CRPPA: variants seen among roughly 807,000 people sequenced by gnomAD.
The protein encoded by CRPPA is D-ribitol-5-phosphate cytidylyltransferase.
In CRPPA, 43 loss-of-function variants were observed where a neutral mutation model predicts 52.0. The observed-to-expected ratio is 0.83, with a 90% CI of 0.65 to 1.07. The LOEUF (loss-of-function observed/expected upper bound fraction) is 1.07, where lower values mean the gene tolerates loss of function less well. Among genes scored for constraint, CRPPA ranks in the 50% least tolerant of loss-of-function variants. The pLI is 0.00. For missense variants in CRPPA, 629 were observed against 551.7 expected, an observed-to-expected ratio of 1.14 and a Z score of -1.40; for synonymous variants, 250 against 203.5, an observed-to-expected ratio of 1.23 and a Z score of -1.94.
chr7:16,313,714 C>G (rs539059194), intron 3 of CRPPA, among the ~76,000 whole-genome samples: 1 of 151,778 alleles, frequency 6.6e-6, no homozygotes, highest in East Asian at 1.9e-4. Context: ...AATTTTGATG[C>G]GTTCCATTTT....
At chr7:16,258,511 G>T (rs372805874) in intron 7 of CRPPA, 29 bp from the exon 8 acceptor site, 6 of 1,366,302 alleles carry the variant, frequency 4.4e-6, no homozygotes, top group Non-Finnish European at 5.1e-6. Flanking sequence ...AAAAGGATAT[G>T]AGAAGACGTT....
chr7:16,095,171 A>G (rs7797951), intron 9 of CRPPA, among the ~76,000 whole-genome samples: 5,561 of 152,266 alleles, frequency 0.037, 331 homozygotes, highest in African/African-American at 0.12. Context: ...GACTATTTAC[A>G]AATGTTATGT....
intron 2 of CRPPA, among the ~76,000 whole-genome samples, chr7:16,391,788 C>T (rs976951683): frequency 1.3e-5 from 2 of 152,146 alleles, no homozygotes; most frequent in Non-Finnish European, 2.9e-5. Context: ...GTGCCTAACA[C>T]ATAGCATGCA....
At chr7:16,378,920 T>G (rs1471655084) in intron 2 of CRPPA, among the ~76,000 whole-genome samples, 1 of 152,208 alleles carries the variant, frequency 6.6e-6, no homozygotes, top group Non-Finnish European at 1.5e-5. Flanking sequence ...TTTTGAGAAG[T>G]GTCTGTTCAT....
chr7:16,239,665 G>A (rs17169363), intron 8 of CRPPA, among the ~76,000 whole-genome samples: 3 of 149,946 alleles, frequency 2.0e-5, no homozygotes, highest in Non-Finnish European at 3.0e-5. Context: ...CTAGGGCTAC[G>A]ATCAATGTGA....
chr7:16,371,690 G>A (rs944580310), intron 3 of CRPPA, among the ~76,000 whole-genome samples: 2 of 151,570 alleles, frequency 1.3e-5, no homozygotes, highest in Non-Finnish European at 2.9e-5. Flanking sequence ...TAGATCCCAA[G>A]CAATGGATAC....
chr7:16,144,659 G>GAGAGCAAT (rs1782938096), intron 9 of CRPPA, among the ~76,000 whole-genome samples: 1 of 152,122 alleles, frequency 6.6e-6, no homozygotes, highest in Non-Finnish European at 1.5e-5. Flanking sequence ...TCTACTGGGT[G>GAGAGCAAT]GGGGGAGTCA....
chr7:16,151,121 A>T (rs1783069058), intron 9 of CRPPA, among the ~76,000 whole-genome samples: 4 of 152,196 alleles, frequency 2.6e-5, no homozygotes, highest in Admixed American at 2.6e-4. Flanking sequence ...CACCAGTAGG[A>T]TTCACTGGTA....
intron 9 of CRPPA, among the ~76,000 whole-genome samples, chr7:16,171,114 G>A (rs892384496): frequency 6.6e-5 from 10 of 152,216 alleles, no homozygotes; most frequent in Admixed American, 4.6e-4. Flanking sequence ...CTGCCAGCAC[G>A]TTGTTATCTC....
At chr7:16,372,025 A>T (rs540151751) in intron 3 of CRPPA, among the ~76,000 whole-genome samples, 52 of 152,196 alleles carry the variant, frequency 3.4e-4, no homozygotes, top group South Asian at 8.3e-4. Context: ...AAAAAATTTT[A>T]AAAAAAGAAC....
chr7:16,371,170 C>T (rs1266983470), intron 3 of CRPPA, among the ~76,000 whole-genome samples: 1 of 152,164 alleles, frequency 6.6e-6, no homozygotes, highest in Non-Finnish European at 1.5e-5. Context: ...GACCTCTGCC[C>T]ACCATTGAGT....
intron 8 of CRPPA, among the ~76,000 whole-genome samples, chr7:16,232,833 C>A (rs932818907): frequency 6.6e-6 from 1 of 151,992 alleles, no homozygotes; most frequent in Non-Finnish European, 1.5e-5. Context: ...AATACCAAAC[C>A]TTTTAAAAAG....
chr7:16,103,015 T>C (rs541223335), intron 9 of CRPPA, among the ~76,000 whole-genome samples: 2 of 152,186 alleles, frequency 1.3e-5, no homozygotes, highest in Admixed American at 6.5e-5. Context: ...CATATATTTA[T>C]TGTAGCACTG....
intron 9 of CRPPA, among the ~76,000 whole-genome samples, chr7:16,164,455 C>A (rs766494261): frequency 1.8e-4 from 27 of 152,254 alleles, no homozygotes; most frequent in Non-Finnish European, 3.4e-4. Flanking sequence ...GAGTTAGAAC[C>A]TGCTCCTTTA....
chr7:16,219,724 T>C lies in CRPPA; in HGVS notation c.1120-3527A>G, dbSNP rs1420974484. Among the ~76,000 whole-genome samples, 91 of 117,526 alleles carry C rather than the reference T, an allele frequency of 7.7e-4. 7 individuals are homozygous for C. Among genetic ancestry groups the C allele is most frequent in the Non-Finnish European group, 8.5e-4 (45 of 53,004 alleles). The allele number at this position is 117,526 out of a possible 152,430, so 77.1% of individuals were successfully genotyped here. A position where few individuals can be genotyped will look rare whatever the true frequency, so the allele number is the denominator to read the frequency against. ...TGGATAAATTCCTCGACACATACAC[T>C]CTCCCAAGACTAAACCAGGAAGAAG... On this transcript the variant is annotated intron_variant, in intron 8 of 9. Transcript: ENST00000407010.
chr7:16,091,099 G>C lies in CRPPA; in HGVS notation c.*596C>G, dbSNP rs1781827898. The C allele has an allele frequency of 6.6e-6, 1 of 152,152 alleles. No homozygotes were observed. The highest frequency in any genetic ancestry group is 1.5e-5 in the Non-Finnish European group (1 of 68,030). 9.4% of individuals were successfully genotyped at this position (152,152 alleles called of 1,614,324 possible). A position where few individuals can be genotyped will look rare whatever the true frequency, so the allele number is the denominator to read the frequency against. ...TAACATACAATTTAAAAACAGAAAA[G>C]AAGGAAATGACATCTGTTTTAGGGA... On this transcript the variant is annotated 3_prime_UTR_variant, in exon 10 of 10. Transcript: ENST00000407010.
intron 9 of CRPPA, among the ~76,000 whole-genome samples, chr7:16,155,875 G>C (rs1333939624): frequency 6.6e-6 from 1 of 152,064 alleles, no homozygotes; most frequent in Non-Finnish European, 1.5e-5. Context: ...CACAATAATA[G>C]AGGGATACTT....
intron 4 of CRPPA, among the ~76,000 whole-genome samples, chr7:16,304,549 G>C (rs1314979231): frequency 6.6e-6 from 1 of 152,124 alleles, no homozygotes; most frequent in Non-Finnish European, 1.5e-5. Context: ...GCTAAGGCAG[G>C]AGAATCACTT....
chr7:16,168,534 AACAC>A (rs61189058), intron 9 of CRPPA, among the ~76,000 whole-genome samples: 10,338 of 143,098 alleles, frequency 0.072, 578 homozygotes, highest in African/African-American at 0.16. Flanking sequence ...AGTGAAGTAA[AACAC>A]ACACACACAC....
Sources: gnomAD v4.1 joint callset for allele counts (sites outside exome capture counted in the v4.1 genomes callset) on GRCh38, gnomAD v4.1.1 for gene constraint, MANE v1.5 for transcripts, NCBI Gene and HGNC (gene_info 2026-07-23, HGNC 2026-07-21) for gene names.